Variants in TPCN2 observed in about 807,000 individuals in gnomAD.
The protein encoded by TPCN2 is two pore channel protein 2.
TPCN2 carries 92 observed loss-of-function variants against 111.4 expected under a neutral mutation model. The ratio of observed to expected loss-of-function variants is 0.83; its 90% CI spans 0.70 to 0.98. The LOEUF (loss-of-function observed/expected upper bound fraction) is 0.98, where lower values mean the gene tolerates loss of function less well. Among genes scored for constraint, TPCN2 ranks in the 50% least tolerant of loss-of-function variants. TPCN2 has a pLI of 0.00. For missense variants in TPCN2, 995 were observed against 980.1 expected, an observed-to-expected ratio of 1.02 and a Z score of -0.20; for synonymous variants, 405 against 414.5, an observed-to-expected ratio of 0.98 and a Z score of 0.28.
At chr11:69,086,040 G>GA in intron 22 of TPCN2, 110 bp downstream of exon 22, 1 of 1,066,070 alleles carries the variant, frequency 9.4e-7, no homozygotes, top group Non-Finnish European at 1.4e-6. Context: ...CTGGGACGGG[G>GA]ACTCGGGCCT....
chr11:69,072,827 C>G (rs948527699), intron 12 of TPCN2, 88 bp from the exon 13 acceptor site: 75 of 1,523,828 alleles, frequency 4.9e-5, no homozygotes, highest in Admixed American at 1.7e-5. Flanking sequence ...CACAGCCCGT[C>G]AGGGTGGGGT....
intron 16 of TPCN2, 72 bp downstream of exon 16, chr11:69,079,092 C>T: frequency 6.6e-7 from 1 of 1,519,578 alleles, no homozygotes; most frequent in South Asian, 1.3e-5. Flanking sequence ...CTGTGCTGGC[C>T]CATCTCAGGC....
At chr11:69,062,638 TG>T (rs1855073533) in intron 5 of TPCN2, among the ~76,000 whole-genome samples, 1 of 152,034 alleles carries the variant, frequency 6.6e-6, no homozygotes, top group Non-Finnish European at 1.5e-5. Context: ...GGAACCTGTG[TG>T]TGCAGCGCCC....
chr11:69,049,249 C>A, intron 1 of TPCN2, 143 bp downstream of exon 1: 1 of 485,936 alleles, frequency 2.1e-6, no homozygotes, highest in Non-Finnish European at 3.2e-6. Context: ...GCGCCGGGTG[C>A]CAGGCGAGCC....
rs902562868 is a variant in TPCN2, at chr11:69,048,936, T to C, written c.-62T>C. 1.8e-6 allele frequency: 2 copies of C among 1,114,114 alleles called. No individual in the cohort carries two copies. The highest frequency in any genetic ancestry group is 3.2e-5 in the African/African-American group (2 of 62,184). 69.0% of individuals were successfully genotyped at this position (1,114,114 alleles called of 1,614,324 possible). On this transcript the variant is annotated 5_prime_UTR_variant, in exon 1 of 25. Transcript: ENST00000294309. ...GGACGGGGTCTCCGCGCCTGCGCAG[T>C]GAAGCTGGGCGCCTTCGGGGCTTGA...
chr11:69,073,138 T>C, intron 13 of TPCN2, 137 bp downstream of exon 13: 1 of 646,156 alleles, frequency 1.5e-6, no homozygotes, highest in Non-Finnish European at 2.7e-6. Flanking sequence ...GTATGGGAAC[T>C]GGGAATGGAG....
intron 13 of TPCN2, among the ~76,000 whole-genome samples, chr11:69,077,021 C>CCTGCCCTCCTGCCATGTCCCTCCAG (rs1855803785): frequency 1.1e-5 from 1 of 91,210 alleles, no homozygotes; most frequent in Admixed American, 9.9e-5. Flanking sequence ...CACCTGCCCT[C>CCTGCCCTCCTGCCATGTCCCTCCAG]CTGCCCTCCT....
chr11:69,084,402 A>G (rs1026900919), intron 19 of TPCN2, among the ~76,000 whole-genome samples: 2 of 152,192 alleles, frequency 1.3e-5, no homozygotes, highest in African/African-American at 4.8e-5. Context: ...CCCTGGGATG[A>G]GGACTTGGTC....
chr11:69,071,823 C>T (rs772747355), intron 10 of TPCN2, 100 bp from the exon 11 acceptor site: 19 of 1,146,560 alleles, frequency 1.7e-5, no homozygotes, highest in Non-Finnish European at 2.3e-5. Flanking sequence ...CCCAAGGCTG[C>T]CCAGACTCCC....
intron 6 of TPCN2, 62 bp downstream of exon 6, chr11:69,063,052 G>C: frequency 7.0e-7 from 1 of 1,433,532 alleles, no homozygotes; most frequent in African/African-American, 1.4e-5. Context: ...CCCGGGCCAC[G>C]TGGTTGCGGG....
intron 24 of TPCN2, 133 bp downstream of exon 24, chr11:69,087,339 T>C: frequency 1.3e-6 from 1 of 748,240 alleles, no homozygotes; most frequent in South Asian, 1.7e-5. Context: ...CTGGCTTTGG[T>C]CCTGTGCTCT....
Position 69,070,769 on chromosome 11 carries a change from C to A in TPCN2, c.895+274C>A, listed in dbSNP as rs1590730289. On this transcript the variant is annotated intron_variant, in intron 9 of 24. Coordinates refer to ENST00000294309, the MANE Select transcript of TPCN2 (RefSeq NM_139075.4). The stretch of plus-strand genomic sequence containing the variant: ...CACCAACAGCTTCACCCCAGAGATC[C>A]CCCACCAACAGCTTCACCCGAGGGA... 2.0e-5 allele frequency among the ~76,000 whole-genome samples: 3 copies of A among 147,806 alleles called. No homozygotes were observed. In the South Asian group the frequency reaches 6.6e-4, roughly 32 times the overall value.
chr11:69,062,347 G>A (rs1448333090), intron 5 of TPCN2, among the ~76,000 whole-genome samples: 1 of 152,126 alleles, frequency 6.6e-6, no homozygotes, highest in Non-Finnish European at 1.5e-5. Context: ...TGAGTGTTGA[G>A]CGTGGGAGCA....
chr11:69,071,495 G>T, intron 10 of TPCN2, 75 bp downstream of exon 10: 1 of 1,362,652 alleles, frequency 7.3e-7, no homozygotes, highest in Non-Finnish European at 1.0e-6. Flanking sequence ...GAGATGAGCA[G>T]CTGGGTGACC....
rs549726935 is a variant in TPCN2 at position 69,070,592 on chromosome 11, C to T, written c.895+97C>T. 2.4e-5 allele frequency: 23 copies of T among 940,752 alleles called. No homozygotes were observed. The East Asian group carries it at 3.5e-4, about 14-fold the overall frequency. 58.3% of individuals were successfully genotyped at this position (940,752 alleles called of 1,614,324 possible). On this transcript the variant is annotated intron_variant, in intron 9 of 24. Transcript: ENST00000294309. The stretch of plus-strand genomic sequence containing the variant: ...CCTCCACGACCTGAAACTTCACATC[C>T]GTGTTTTTCACTCCAGAGATCACCC...
intron 1 of TPCN2, among the ~76,000 whole-genome samples, chr11:69,049,796 C>T (rs1014567102): frequency 3.9e-5 from 6 of 152,210 alleles, no homozygotes; most frequent in South Asian, 2.1e-4. Flanking sequence ...GCTGAATCCG[C>T]CCCCCGAGGG....
intron 1 of TPCN2, 54 bp downstream of exon 1, chr11:69,049,160 T>TG (rs1439658247): frequency 9.0e-7 from 1 of 1,105,994 alleles, no homozygotes; most frequent in Non-Finnish European, 1.2e-6. Flanking sequence ...GGGTCGCGCG[T>TG]GGGGGTCCCG....
chr11:69,075,544 G>C (rs2034688), intron 13 of TPCN2, among the ~76,000 whole-genome samples: 4,000 of 152,332 alleles, frequency 0.026, 390 homozygotes, highest in East Asian at 0.22. Flanking sequence ...CGCAGAGCCC[G>C]CTGACGTGAA....
rs1018159027 is a variant in TPCN2, at chr11:69,088,977, C to T, written c.*1024C>T. 1 of 152,268 alleles carries T rather than the reference C, an allele frequency of 6.6e-6. No homozygotes were observed. Among genetic ancestry groups the T allele is most frequent in the Non-Finnish European group, 1.5e-5 (1 of 68,108 alleles). 9.4% of individuals were successfully genotyped at this position (152,268 alleles called of 1,614,324 possible). On this transcript the variant is annotated 3_prime_UTR_variant, in exon 25 of 25. Transcript: ENST00000294309. ...CACCACTCCCCATCACACTCCACAC[C>T]GAGCCTGGTGCCCGGTCTGTGCCCG...
Sources: gnomAD v4.1 joint callset for allele counts (sites outside exome capture counted in the v4.1 genomes callset) on GRCh38, gnomAD v4.1.1 for gene constraint, MANE v1.5 for transcripts, NCBI Gene and HGNC (gene_info 2026-07-23, HGNC 2026-07-21) for gene names.